FMNL2: variants seen among roughly 807,000 people sequenced by gnomAD.
FMNL2 encodes formin-like protein 2.
In FMNL2, 51 loss-of-function variants were observed where a neutral mutation model predicts 130.2. The observed-to-expected ratio is 0.39, with a 90% CI of 0.31 to 0.49. The LOEUF (loss-of-function observed/expected upper bound fraction) is 0.49, where lower values mean the gene tolerates loss of function less well. FMNL2 is among the 20% of genes least tolerant of loss of function. The pLI is 0.85. For missense variants in FMNL2, 977 were observed against 1,316.2 expected (o/e 0.74, Z 3.99); for synonymous variants, 465 against 467.1 (o/e 1.00, Z 0.06).
chr2:152,630,559 G>C (rs979069542), intron 20 of FMNL2, among the ~76,000 whole-genome samples: 1 of 152,198 alleles, frequency 6.6e-6, no homozygotes, highest in African/African-American at 2.4e-5. Flanking sequence ...CCTCCAGACT[G>C]TGCAGGCCTA....
intron 4 of FMNL2, among the ~76,000 whole-genome samples, chr2:152,557,152 G>A (rs532444090): frequency 1.3e-5 from 2 of 152,178 alleles, no homozygotes; most frequent in South Asian, 2.1e-4. Context: ...CTGAGACCTA[G>A]CACCACAGAA....
At chr2:152,403,195 G>A (rs999281792) in intron 1 of FMNL2, among the ~76,000 whole-genome samples, 4 of 148,384 alleles carry the variant, frequency 2.7e-5, no homozygotes, top group Admixed American at 6.7e-5. Context: ...CGGAGGTAGC[G>A]TTTGCCAAGT....
intron 1 of FMNL2, among the ~76,000 whole-genome samples, chr2:152,384,255 C>T (rs918043225): frequency 6.6e-6 from 1 of 152,138 alleles, no homozygotes; most frequent in Non-Finnish European, 1.5e-5. Context: ...TGGCTGACTC[C>T]AAAGTCCATT....
chr2:152,359,476 G>C (rs953595932), intron 1 of FMNL2, among the ~76,000 whole-genome samples: 4 of 96,476 alleles, frequency 4.1e-5, no homozygotes, highest in African/African-American at 1.3e-4. Flanking sequence ...TATCTAAGAG[G>C]TAGCCTTTTT....
chr2:152,444,174 A>G (rs1688217349), intron 1 of FMNL2, among the ~76,000 whole-genome samples: 2 of 152,182 alleles, frequency 1.3e-5, no homozygotes, highest in African/African-American at 4.8e-5. Flanking sequence ...AGGGTGGGGT[A>G]GCTGGGGGAT....
At chr2:152,411,995 G>A (rs1579600829) in intron 1 of FMNL2, among the ~76,000 whole-genome samples, 1 of 152,162 alleles carries the variant, frequency 6.6e-6, no homozygotes, top group Non-Finnish European at 1.5e-5. Context: ...GATCATAAAA[G>A]CATCCCAAGT....
At chr2:152,414,897 T>C (rs1686520839) in intron 1 of FMNL2, among the ~76,000 whole-genome samples, 1 of 152,168 alleles carries the variant, frequency 6.6e-6, no homozygotes. Context: ...GTAATACTCT[T>C]ACAAAAGATT....
intron 6 of FMNL2, among the ~76,000 whole-genome samples, chr2:152,564,709 G>A (rs1695719087): frequency 6.7e-6 from 1 of 149,492 alleles, no homozygotes; most frequent in Non-Finnish European, 1.5e-5. Flanking sequence ...CTCCAGCCTG[G>A]GTGACAGAGC....
At chr2:152,572,046 G>A (rs1442027639) in intron 6 of FMNL2, among the ~76,000 whole-genome samples, 1 of 152,064 alleles carries the variant, frequency 6.6e-6, no homozygotes, top group African/African-American at 2.4e-5. Context: ...GCAACACCAG[G>A]TAGTAAGATT....
chr2:152,506,124 C>A (rs1236065669), intron 1 of FMNL2, among the ~76,000 whole-genome samples: 2 of 152,056 alleles, frequency 1.3e-5, no homozygotes, highest in African/African-American at 2.4e-5. Flanking sequence ...TACATGGAAC[C>A]CCTAGGGAAA....
At chr2:152,543,028 A>G (rs904688766) in intron 3 of FMNL2, among the ~76,000 whole-genome samples, 1 of 152,212 alleles carries the variant, frequency 6.6e-6, no homozygotes, top group Non-Finnish European at 1.5e-5. Flanking sequence ...CTTTCCTGAC[A>G]TGAGAGTCAC....
intron 13 of FMNL2, 124 bp downstream of exon 13, chr2:152,617,316 A>C: frequency 1.2e-6 from 1 of 852,974 alleles, no homozygotes; most frequent in Non-Finnish European, 1.8e-6. Context: ...TTTATTGGAA[A>C]CCTTTGAGAG....
intron 1 of FMNL2, among the ~76,000 whole-genome samples, chr2:152,375,867 C>CTATATATATATA (rs1156878897): frequency 8.8e-6 from 1 of 113,132 alleles, no homozygotes; most frequent in African/African-American, 3.4e-5. Context: ...CTCTCTCTCT[C>CTATATATATATA]TCTCTCTCTC....
chr2:152,583,196 A>G (rs1351400636), intron 9 of FMNL2, among the ~76,000 whole-genome samples: 1 of 152,218 alleles, frequency 6.6e-6, no homozygotes, highest in Non-Finnish European at 1.5e-5. Context: ...TAGAGCTTTA[A>G]CCAAAACTGG....
chr2:152,533,804 G>A (rs920590213), intron 2 of FMNL2, among the ~76,000 whole-genome samples: 4 of 152,006 alleles, frequency 2.6e-5, no homozygotes, highest in Admixed American at 6.6e-5. Context: ...GACATTTCTA[G>A]TAGTATACAG....
intron 1 of FMNL2, among the ~76,000 whole-genome samples, chr2:152,356,854 G>A (rs1162701793): frequency 6.6e-6 from 1 of 151,576 alleles, no homozygotes; most frequent in Non-Finnish European, 1.5e-5. Flanking sequence ...GAGAAGATAT[G>A]TATATTGGTA....
intron 9 of FMNL2, among the ~76,000 whole-genome samples, chr2:152,594,615 T>C (rs573736396): frequency 6.6e-6 from 1 of 152,370 alleles, no homozygotes; most frequent in South Asian, 2.1e-4. Flanking sequence ...CACGAGGTAC[T>C]GTTGAGGACT....
At chr2:152,338,240 G>A (rs1317794465) in intron 1 of FMNL2, among the ~76,000 whole-genome samples, 1 of 152,062 alleles carries the variant, frequency 6.6e-6, no homozygotes, top group Non-Finnish European at 1.5e-5. Flanking sequence ...AGATCATACG[G>A]GTGTTTTGGG....
intron 1 of FMNL2, among the ~76,000 whole-genome samples, chr2:152,520,168 G>A (rs1324362312): frequency 2.0e-5 from 3 of 152,128 alleles, no homozygotes; most frequent in Non-Finnish European, 4.4e-5. Context: ...ATGAAGACAG[G>A]CCATATGAAA....
Sources: gnomAD v4.1 joint callset for allele counts (sites outside exome capture counted in the v4.1 genomes callset) on GRCh38, gnomAD v4.1.1 for gene constraint, MANE v1.5 for transcripts, NCBI Gene and HGNC (gene_info 2026-07-23, HGNC 2026-07-21) for gene names.